Variants in SMIM42 observed in about 807,000 individuals in gnomAD.
SMIM42 encodes the protein small integral membrane protein 42.
At chr1:158,127,384 A>G (rs1215298890) in exon 1 of SMIM42, among the ~76,000 whole-genome samples, 3 of 152,052 alleles carry the variant, frequency 2.0e-5, no homozygotes, top group Admixed American at 2.0e-4. Context: ...ATTTCATTTT[A>G]AGGATCTTCT....
At chr1:158,127,712 C>G (rs1395254786) in exon 1 of SMIM42, among the ~76,000 whole-genome samples, 2 of 151,634 alleles carry the variant, frequency 1.3e-5, no homozygotes. Flanking sequence ...GAAATGAGGC[C>G]TGGGGGGACA....
rs371108719 is a variant in SMIM42 at position 158,128,154 on chromosome 1, T to C, written c.-80A>G. 5.3e-5 allele frequency among the ~76,000 whole-genome samples: 8 copies of C among 152,108 alleles called. No homozygotes were observed. The East Asian group carries it at 1.5e-3, about 29-fold the overall frequency. Reference sequence around the variant, plus strand: ...ACCAAGAGAATTGGGCTTGCTCTTGTTGTATCCTAGGAGTGGATATGGTAC... The same window carrying C: ...ACCAAGAGAATTGGGCTTGCTCTTGCTGTATCCTAGGAGTGGATATGGTAC... On this transcript the variant is annotated 5_prime_UTR_variant, in exon 1 of 1. Coordinates refer to ENST00000672824, the Ensembl canonical transcript of SMIM42.
At position 158,127,551 on chromosome 1, in the gene SMIM42, T is replaced by C. The variant is rs544348736; in HGVS notation, c.*311A>G. The stretch of plus-strand genomic sequence containing the variant: ...TTTCCATGTACTTGTTTCTTTCCTC[T>C]GTTAGTGCAGAAATCAAGAGCCATT... On this transcript the variant is annotated 3_prime_UTR_variant, in exon 1 of 1. Transcript: ENST00000672824. Among the ~76,000 whole-genome samples, 209 of 150,106 alleles carry C rather than the reference T, an allele frequency of 1.4e-3. 1 individual carries two copies. The highest frequency in any genetic ancestry group is 6.6e-4 in the Non-Finnish European group (45 of 67,780).
At position 158,127,714 on chromosome 1, in the gene SMIM42, G is replaced by A. The variant is rs144591493; in HGVS notation, c.*148C>T. Among the ~76,000 whole-genome samples, 725 of 152,170 alleles carry A rather than the reference G, an allele frequency of 4.8e-3. 2 individuals are homozygous for A. Among genetic ancestry groups the A allele is most frequent in the African/African-American group, 0.016 (673 of 41,512 alleles). ...GTGGCAGAGGAAGGAAATGAGGCCT[G>A]GGGGGACATCTGGCAATGGAGGAAC... is the stretch of plus-strand genomic sequence containing the variant. On this transcript the variant is annotated 3_prime_UTR_variant, in exon 1 of 1. Transcript: ENST00000672824.
exon 1 of SMIM42, among the ~76,000 whole-genome samples, chr1:158,128,104 G>T (rs763554946): frequency 9.2e-5 from 14 of 152,150 alleles, no homozygotes; most frequent in Non-Finnish European, 1.6e-4. Flanking sequence ...AGATAGGTAC[G>T]TGGTGCAAGC....
rs529033471 is a variant in SMIM42, at chr1:158,128,239, T to G, written c.-165A>C. On this transcript the variant is annotated 5_prime_UTR_variant, in exon 1 of 1. Transcript: ENST00000672824. ...TGGGGCTATTCTCCTTTGGATGTAATGGAGAAGGCATAGACGTTTGCTCAG... is the reference window on the plus strand; with the variant it reads ...TGGGGCTATTCTCCTTTGGATGTAAGGGAGAAGGCATAGACGTTTGCTCAG... Among the ~76,000 whole-genome samples, 3 of 152,296 alleles carry G rather than the reference T, an allele frequency of 2.0e-5. No individual in the cohort carries two copies. The South Asian group carries it at 6.2e-4, about 32-fold the overall frequency.
exon 1 of SMIM42, among the ~76,000 whole-genome samples, chr1:158,127,871 C>A (rs997130493): frequency 2.0e-5 from 3 of 152,120 alleles, no homozygotes; most frequent in Non-Finnish European, 2.9e-5. Context: ...TTTATGGCAG[C>A]CATGTTGCCT....
At chr1:158,128,135 A>T (rs545805587) in exon 1 of SMIM42, among the ~76,000 whole-genome samples, 23 of 152,260 alleles carry the variant, frequency 1.5e-4, no homozygotes, top group African/African-American at 5.5e-4. Flanking sequence ...CACCACCAAG[A>T]GAATTGGGCT....
rs1373421137 is a variant in SMIM42 at position 158,127,800 on chromosome 1, G to A, written c.*62C>T. Among the ~76,000 whole-genome samples the A allele has an allele frequency of 2.6e-5, 4 of 152,236 alleles. No individual in the cohort carries two copies. In the East Asian group the frequency reaches 7.7e-4, roughly 29 times the overall value. On this transcript the variant is annotated 3_prime_UTR_variant, in exon 1 of 1. Coordinates refer to ENST00000672824, the Ensembl canonical transcript of SMIM42. ...GGGCTCTGAGACAGCTCCAGTGGCCGTGCCTCTCTTGTACAATCAGGTCTT... is the reference window on the plus strand; with the variant it reads ...GGGCTCTGAGACAGCTCCAGTGGCCATGCCTCTCTTGTACAATCAGGTCTT...
At chr1:158,127,656 G>T (rs986934292) in exon 1 of SMIM42, among the ~76,000 whole-genome samples, 8 of 145,468 alleles carry the variant, frequency 5.5e-5, no homozygotes, top group Non-Finnish European at 1.2e-4. Context: ...ACAAGCCAAA[G>T]AACCGCAGGA....
chr1:158,128,207 C>T (rs1333141185), exon 1 of SMIM42, among the ~76,000 whole-genome samples: 1 of 152,168 alleles, frequency 6.6e-6, no homozygotes. Context: ...TGATTCCATT[C>T]TTCACATGGG....
exon 1 of SMIM42, among the ~76,000 whole-genome samples, chr1:158,127,803 C>A (rs1662851970): frequency 6.6e-6 from 1 of 152,082 alleles, no homozygotes; most frequent in African/African-American, 2.4e-5. Context: ...AGTGGCCGTG[C>A]CTCTCTTGTA....
At chr1:158,127,713 TG>T (rs1662850410) in exon 1 of SMIM42, among the ~76,000 whole-genome samples, 1 of 151,218 alleles carries the variant, frequency 6.6e-6, no homozygotes, top group East Asian at 2.0e-4. Flanking sequence ...AAATGAGGCC[TG>T]GGGGGACATC....
chr1:158,127,678 T>G (rs967455224), exon 1 of SMIM42, among the ~76,000 whole-genome samples: 1 of 148,648 alleles, frequency 6.7e-6, no homozygotes, highest in Non-Finnish European at 1.5e-5. Context: ...GAGTGCATTA[T>G]AAGAGGGATG....
At chr1:158,127,504 G>A (rs1662846113) in exon 1 of SMIM42, among the ~76,000 whole-genome samples, 1 of 151,066 alleles carries the variant, frequency 6.6e-6, no homozygotes, top group Admixed American at 6.6e-5. Flanking sequence ...GGAAAATTTA[G>A]GCTTTGTAAT....
At chr1:158,128,102 A>C (rs907809306) in exon 1 of SMIM42, among the ~76,000 whole-genome samples, 1 of 152,182 alleles carries the variant, frequency 6.6e-6, no homozygotes, top group Non-Finnish European at 1.5e-5. Context: ...TGAGATAGGT[A>C]CGTGGTGCAA....
Position 158,127,601 on chromosome 1 carries a change from CAAAA to C in SMIM42, c.*257_*260del, listed in dbSNP as rs145650991. ...TTACTATTTCAGTCTTGAAGATCCA[CAAAA>C]AAAAAAAAAAAAAAAAAGACATTCA... On this transcript the variant is annotated 3_prime_UTR_variant, in exon 1 of 1. Transcript: ENST00000672824. Among the ~76,000 whole-genome samples the C allele has an allele frequency of 8.7e-4, 101 of 116,282 alleles. 1 individual carries two copies. Among genetic ancestry groups the C allele is most frequent in the Admixed American group, 1.2e-3 (14 of 11,578 alleles). 76.3% of individuals were successfully genotyped at this position (116,282 alleles called of 152,430 possible).
chr1:158,127,307 C>A (rs1355520227), exon 1 of SMIM42, among the ~76,000 whole-genome samples: 2 of 151,934 alleles, frequency 1.3e-5, no homozygotes, highest in Non-Finnish European at 1.5e-5. Flanking sequence ...AAAAAAAATA[C>A]ATTTTACTCC....
At chr1:158,128,099 G>T (rs940009306) in exon 1 of SMIM42, among the ~76,000 whole-genome samples, 1 of 152,146 alleles carries the variant, frequency 6.6e-6, no homozygotes, top group African/African-American at 2.4e-5. Flanking sequence ...AGCTGAGATA[G>T]GTACGTGGTG....
Sources: gnomAD v4.1 joint callset for allele counts (sites outside exome capture counted in the v4.1 genomes callset) on GRCh38, gnomAD v4.1.1 for gene constraint, MANE v1.5 for transcripts, NCBI Gene and HGNC (gene_info 2026-07-23, HGNC 2026-07-21) for gene names.